SLC36A2: variants seen among roughly 807,000 people sequenced by gnomAD.
SLC36A2 encodes proton-coupled amino acid transporter 2.
In SLC36A2, 39 loss-of-function variants were observed where a neutral mutation model predicts 42.7. The observed-to-expected ratio is 0.91, with a 90% CI of 0.71 to 1.19. SLC36A2 has a LOEUF of 1.19. Ranked by LOEUF, SLC36A2 falls within the 50% of genes most tolerant of loss-of-function variation. SLC36A2 has a pLI of 0.00. For missense variants in SLC36A2, 590 were observed against 613.7 expected (o/e 0.96, Z 0.41); for synonymous variants, 237 against 240.8 (o/e 0.98, Z 0.15).
Position 151,329,882 on chromosome 5 carries a change from C to T in SLC36A2, c.843+3342G>A, listed in dbSNP as rs372578706. On this transcript the variant is annotated intron_variant, in intron 7 of 9. Coordinates refer to ENST00000335244, the MANE Select transcript of SLC36A2 (RefSeq NM_181776.3). The stretch of plus-strand genomic sequence containing the variant: ...ATAGGTGGATATTTTCAACCAAATG[C>T]ACATCAAAACTGCAGTATTCATGGG... Among the ~76,000 whole-genome samples, 4 of 152,126 alleles carry T rather than the reference C, an allele frequency of 2.6e-5. No individual in the cohort carries two copies. In the East Asian group the frequency reaches 7.7e-4, roughly 29 times the overall value.
rs1561664996 is a variant in SLC36A2, at chr5:151,347,360, T to C, written c.101A>G (p.Asp34Gly). Residue 34 changes from aspartate (D) to glycine (G), a missense_variant, in exon 1 of 10, where the codon GAC becomes GGC. Asp to Gly is a moderately conservative substitution (Grantham distance 94). Transcript: ENST00000335244. ...AGGACTTTCATCCAAGAATGTAGAG[T>C]CCTTGTTCTCCAACTTCTTGGCACT... ...PESAKKLENK[D>G]STFLDESPSE... 6.2e-7 allele frequency: 1 copy of C among 1,614,130 alleles called. No homozygotes were observed. The highest frequency in any genetic ancestry group is 1.1e-5 in the South Asian group (1 of 91,074).
At chr5:151,328,257 G>T (rs1755902868) in intron 7 of SLC36A2, among the ~76,000 whole-genome samples, 1 of 152,194 alleles carries the variant, frequency 6.6e-6, no homozygotes, top group South Asian at 2.1e-4. Flanking sequence ...AATCGTGGAT[G>T]AAATACATAA....
At chr5:151,318,368 T>G (rs2127282218) in intron 9 of SLC36A2, among the ~76,000 whole-genome samples, 1 of 150,086 alleles carries the variant, frequency 6.7e-6, no homozygotes, top group East Asian at 1.9e-4. Context: ...AATGTACAAA[T>G]TTTTTAGAAG....
intron 1 of SLC36A2, among the ~76,000 whole-genome samples, chr5:151,345,814 C>CT (rs1248601685): frequency 6.6e-6 from 1 of 152,226 alleles, no homozygotes; most frequent in Non-Finnish European, 1.5e-5. Context: ...GGCTCCAACT[C>CT]TAACTCCTTT....
chr5:151,332,898 G>A (rs1756038140), intron 7 of SLC36A2, among the ~76,000 whole-genome samples: 1 of 152,194 alleles, frequency 6.6e-6, no homozygotes, highest in African/African-American at 2.4e-5. Flanking sequence ...ACTCCTTTAT[G>A]TTTAATCAAA....
At chr5:151,324,342 T>TTTAC (rs1755792077) in intron 8 of SLC36A2, among the ~76,000 whole-genome samples, 1 of 149,638 alleles carries the variant, frequency 6.7e-6, no homozygotes, top group Non-Finnish European at 1.5e-5. Context: ...TATTTATTTA[T>TTTAC]TTATTTTGAG....
Position 151,322,318 on chromosome 5 carries a change from G to C in SLC36A2, c.1011-103C>G, listed in dbSNP as rs990207900. 5.8e-6 allele frequency: 8 copies of C among 1,386,200 alleles called. No individual in the cohort carries two copies. In the African/African-American group the frequency reaches 1.1e-4, roughly 20 times the overall value. 85.9% of individuals were successfully genotyped at this position (1,386,200 alleles called of 1,614,324 possible). On this transcript the variant is annotated intron_variant, in intron 8 of 9. Transcript: ENST00000335244. ...CCTTGGGACAATGACTTGGGCTTTT[G>C]TTTCCCTTTCTGAAAATGACTGAGA...
intron 8 of SLC36A2, 120 bp from the exon 9 acceptor site, chr5:151,322,335 T>G: frequency 8.5e-7 from 1 of 1,169,870 alleles, no homozygotes; most frequent in Non-Finnish European, 1.2e-6. Context: ...TTTCTGAAAA[T>G]GACTGAGAGG....
chr5:151,333,815 G>T (rs1385576552), intron 6 of SLC36A2, among the ~76,000 whole-genome samples: 1 of 152,168 alleles, frequency 6.6e-6, no homozygotes, highest in Non-Finnish European at 1.5e-5. Flanking sequence ...TCCAGCCTGG[G>T]TGAAAGAGCG....
At chr5:151,330,566 AGG>A (rs1755967755) in intron 7 of SLC36A2, among the ~76,000 whole-genome samples, 1 of 152,252 alleles carries the variant, frequency 6.6e-6, no homozygotes, top group Non-Finnish European at 1.5e-5. Context: ...TTCATGCTGA[AGG>A]GAAATGATGC....
At chr5:151,325,608 A>G (rs547730783) in intron 7 of SLC36A2, among the ~76,000 whole-genome samples, 156 bp from the exon 8 acceptor site, 75 of 152,366 alleles carry the variant, frequency 4.9e-4, no homozygotes, top group African/African-American at 1.6e-3. Context: ...TCACATAGCC[A>G]AAAGGTGGAA....
chr5:151,345,727 C>A (rs1756473237), intron 1 of SLC36A2, among the ~76,000 whole-genome samples: 1 of 152,194 alleles, frequency 6.6e-6, no homozygotes, highest in Admixed American at 6.5e-5. Context: ...CAGAATTTAA[C>A]TTTGGGCCAC....
Position 151,335,667 on chromosome 5 carries a change from C to T in SLC36A2, c.526-120G>A. 5.1e-6 allele frequency: 4 copies of T among 784,414 alleles called. 1 individual carries two copies. The South Asian group carries it at 5.6e-5, about 11-fold the overall frequency. 48.6% of individuals were successfully genotyped at this position (784,414 alleles called of 1,614,324 possible). ...AGTGAATGGGAGTGTCCCACAGTGC[C>T]AAATCTCACGGTGAGTTAGGGTGAA... On this transcript the variant is annotated intron_variant, in intron 5 of 9. Transcript: ENST00000335244.
intron 5 of SLC36A2, among the ~76,000 whole-genome samples, chr5:151,336,822 C>T (rs552039542): frequency 2.3e-4 from 35 of 151,676 alleles, no homozygotes; most frequent in Non-Finnish European, 4.1e-4. Context: ...CACTGCAGAA[C>T]GATTAGGAAC....
intron 7 of SLC36A2, among the ~76,000 whole-genome samples, chr5:151,329,466 T>C (rs1755937536): frequency 1.3e-5 from 2 of 152,178 alleles, no homozygotes; most frequent in African/African-American, 4.8e-5. Flanking sequence ...AGACAACAGA[T>C]GCCAACCTTA....
At chr5:151,325,793 T>C (rs192282463) in intron 7 of SLC36A2, among the ~76,000 whole-genome samples, 88 of 152,294 alleles carry the variant, frequency 5.8e-4, no homozygotes, top group African/African-American at 2.1e-3. Context: ...AGACAAGGAC[T>C]GCCTGATTCT....
At chr5:151,330,172 G>GAAATTAGGT (rs1755959926) in intron 7 of SLC36A2, among the ~76,000 whole-genome samples, 1 of 152,120 alleles carries the variant, frequency 6.6e-6, no homozygotes, top group Non-Finnish European at 1.5e-5. Flanking sequence ...AATAATGGCT[G>GAAATTAGGT]AAATTAGGTA....
In SLC36A2 at chr5:151,342,930, G is replaced by A; in HGVS notation, c.398C>T (p.Ala133Val). 6.2e-7 allele frequency: 1 copy of A among 1,614,122 alleles called. No individual in the cohort carries two copies. Among genetic ancestry groups the A allele is most frequent in the Non-Finnish European group, 8.5e-7 (1 of 1,179,994 alleles). The change falls in exon 4 of 10, where the codon GCC becomes GTC. Residue 133 changes from alanine to valine, a missense_variant. Transcript: ENST00000335244. ...ATTCTGGAGCCAGGCGTTGGGGTTG[G>A]CTTCTAGTCCATGCATCACCGTGTC... ...YGDTVMHGLE[A>V]NPNAWLQNHA...
At chr5:151,339,199 T>C (rs1029230615) in intron 4 of SLC36A2, 55 bp from the exon 5 acceptor site, 2 of 1,398,914 alleles carry the variant, frequency 1.4e-6, no homozygotes, top group African/African-American at 2.8e-5. Flanking sequence ...AGTCAACTTG[T>C]CAGTTCCATT....
Sources: gnomAD v4.1 joint callset for allele counts (sites outside exome capture counted in the v4.1 genomes callset) on GRCh38, gnomAD v4.1.1 for gene constraint, MANE v1.5 for transcripts, NCBI Gene and HGNC (gene_info 2026-07-23, HGNC 2026-07-21) for gene names.